The following CIT variants were observed in gnomAD, a reference collection of about 807,000 sequenced individuals.
CIT encodes the protein citron rho-interacting serine/threonine kinase.
CIT carries 79 observed loss-of-function variants against 272.7 expected under a neutral mutation model. The observed-to-expected ratio is 0.29, with a 90% CI of 0.24 to 0.35. The LOEUF (loss-of-function observed/expected upper bound fraction) is 0.35, where lower values mean the gene tolerates loss of function less well. Among genes scored for constraint, CIT ranks in the 10% least tolerant of loss-of-function variants. CIT has a pLI of 1.00. For missense variants in CIT, 1,909 were observed against 2,618.3 expected (o/e 0.73, Z 5.91); for synonymous variants, 948 against 995.6 (o/e 0.95, Z 0.90).
intron 10 of CIT, among the ~76,000 whole-genome samples, chr12:119,788,080 A>G (rs1174616423): frequency 2.0e-5 from 3 of 152,242 alleles, no homozygotes; most frequent in Non-Finnish European, 4.4e-5. Flanking sequence ...GCTGTGTGCT[A>G]TTATTCACAT....
chr12:119,774,795 A>C (rs1963575001), intron 16 of CIT, among the ~76,000 whole-genome samples: 1 of 152,040 alleles, frequency 6.6e-6, no homozygotes, highest in African/African-American at 2.4e-5. Context: ...CAACATGGCA[A>C]AATCCTATCT....
At chr12:119,716,823 G>A (rs563777095) in intron 32 of CIT, among the ~76,000 whole-genome samples, 2 of 152,188 alleles carry the variant, frequency 1.3e-5, no homozygotes, top group Non-Finnish European at 2.9e-5. Context: ...AGTAACAGGG[G>A]ATTGGAAACA....
intron 44 of CIT, among the ~76,000 whole-genome samples, chr12:119,699,118 T>C (rs1956400940): frequency 6.6e-6 from 1 of 151,936 alleles, no homozygotes; most frequent in South Asian, 2.1e-4. Flanking sequence ...TAGCCGGGTA[T>C]GGTGACAGGC....
At chr12:119,729,562 A>G (rs908683412) in intron 27 of CIT, among the ~76,000 whole-genome samples, 1 of 152,216 alleles carries the variant, frequency 6.6e-6, no homozygotes, top group Non-Finnish European at 1.5e-5. Context: ...AAACAGGTAA[A>G]GCTGTATATA....
chr12:119,700,161 C>T (rs1341224641), intron 44 of CIT, among the ~76,000 whole-genome samples: 1 of 152,210 alleles, frequency 6.6e-6, no homozygotes, highest in Non-Finnish European at 1.5e-5. Flanking sequence ...AATAAATCTA[C>T]AGGAATTGGG....
At position 119,784,058 on chromosome 12, in the gene CIT, TA is replaced by T. The variant is rs1420316199; in HGVS notation, c.1402-8del. On this transcript the variant is annotated splice_region_variant and splice_polypyrimidine_tract_variant and intron_variant, in intron 11 of 47. Transcript: ENST00000392521. This position sits in a 1 kb window ranked among gnomAD's most constrained non-coding sequence, Gnocchi z 4.7. The stretch of plus-strand genomic sequence containing the variant: ...GGGTCATTTCCTGCTCCATCTGAAA[TA>T]AACACATCGACAGGTTAAAAAGGCC... The T allele has an allele frequency of 6.2e-7, 1 of 1,612,492 alleles. No individual in the cohort carries two copies. Among genetic ancestry groups the T allele is most frequent in the Non-Finnish European group, 8.5e-7 (1 of 1,179,236 alleles).
At chr12:119,852,368 C>T (rs1005063082) in intron 4 of CIT, among the ~76,000 whole-genome samples, 1 of 152,144 alleles carries the variant, frequency 6.6e-6, no homozygotes, top group Non-Finnish European at 1.5e-5. Context: ...ACTAAAGAGA[C>T]AGGACAATTA....
intron 9 of CIT, among the ~76,000 whole-genome samples, chr12:119,822,225 T>C (rs368383978): frequency 6.6e-6 from 1 of 152,254 alleles, no homozygotes; most frequent in Admixed American, 6.5e-5. Flanking sequence ...ATTGTGTGGT[T>C]TCTGTTGATA....
At chr12:119,853,377 T>C (rs58560119) in intron 4 of CIT, among the ~76,000 whole-genome samples, 1 of 151,900 alleles carries the variant, frequency 6.6e-6, no homozygotes, top group African/African-American at 2.4e-5. Context: ...TAATTTTAAA[T>C]AAAAAATTGT....
chr12:119,711,029 A>C (rs1471070295), intron 37 of CIT: 2 of 1,367,664 alleles, frequency 1.5e-6, no homozygotes, highest in Non-Finnish European at 9.8e-7. Context: ...GCGAGCCAGC[A>C]CGCCTCTGCA....
chr12:119,689,306 C>G (rs951380082), intron 47 of CIT, among the ~76,000 whole-genome samples: 2 of 151,750 alleles, frequency 1.3e-5, no homozygotes, highest in African/African-American at 2.4e-5. Context: ...CACTTGAGCC[C>G]AGGAGTTTGA....
At chr12:119,767,376 G>A (rs970717389) in intron 18 of CIT, among the ~76,000 whole-genome samples, 194 bp from the exon 19 acceptor site, 1 of 152,170 alleles carries the variant, frequency 6.6e-6, no homozygotes, top group Admixed American at 6.5e-5. Context: ...CCAAGTATTC[G>A]CACACACATA....
chr12:119,812,757 T>TTTTTTTTTTTTTTTTTTG (rs1966862469), intron 9 of CIT, among the ~76,000 whole-genome samples: 1 of 151,544 alleles, frequency 6.6e-6, no homozygotes, highest in Non-Finnish European at 1.5e-5. Context: ...TTTTTTTTTT[T>TTTTTTTTTTTTTTTTTTG]TTTTTTGAGA....
At position 119,768,582 on chromosome 12, in the gene CIT, A is replaced by G. The variant is rs907226589; in HGVS notation, c.2209-1400T>C. On this transcript the variant is annotated intron_variant, in intron 18 of 47. Transcript: ENST00000392521. The surrounding 1 kb of genome is among the most constrained non-coding windows in gnomAD (Gnocchi z 4.3). ...AAGCTTTTGATATTCTAAAGTCTCC[A>G]AGCATTGGCTTTGCTCTGAGGGCAA... Among the ~76,000 whole-genome samples, 1 of 152,236 alleles carries G rather than the reference A, an allele frequency of 6.6e-6. No homozygotes were observed. Among genetic ancestry groups the G allele is most frequent in the African/African-American group, 2.4e-5 (1 of 41,464 alleles).
At chr12:119,876,416 C>T (rs1056236108) in intron 1 of CIT, among the ~76,000 whole-genome samples, 1 of 152,156 alleles carries the variant, frequency 6.6e-6, no homozygotes, top group Non-Finnish European at 1.5e-5. Flanking sequence ...TATTATCTCC[C>T]CCCTTAGAAT....
chr12:119,869,895 G>C (rs188441649), intron 2 of CIT, among the ~76,000 whole-genome samples: 1 of 152,322 alleles, frequency 6.6e-6, no homozygotes, highest in Admixed American at 6.5e-5. Flanking sequence ...CGCTGAGCTG[G>C]AGCTGAGTAA....
chr12:119,777,004 C>T (rs1014394274), intron 13 of CIT, among the ~76,000 whole-genome samples, 162 bp from the exon 14 acceptor site: 1 of 152,232 alleles, frequency 6.6e-6, no homozygotes, highest in African/African-American at 2.4e-5. Flanking sequence ...CCTGTAATCC[C>T]AGCACTTTGG....
rs549800216 is a variant in CIT at position 119,784,407 on chromosome 12, C to T, written c.1402-356G>A. The T allele has an allele frequency of 8.2e-7, 1 of 1,225,406 alleles. No individual in the cohort carries two copies. The highest frequency in any genetic ancestry group is 5.4e-5 in the East Asian group (1 of 18,408). 75.9% of individuals were successfully genotyped at this position (1,225,406 alleles called of 1,614,324 possible). On this transcript the variant is annotated intron_variant, in intron 11 of 47. Coordinates refer to ENST00000392521, the MANE Select transcript of CIT (RefSeq NM_001206999.2). This position sits in a 1 kb window ranked among gnomAD's most constrained non-coding sequence, Gnocchi z 4.7. The stretch of plus-strand genomic sequence containing the variant: ...ATCCCAAATCCATCTTGATCCCCCC[C>T]CATCTCCTTGCAAAGATCTAGAGGA...
intron 24 of CIT, among the ~76,000 whole-genome samples, chr12:119,737,212 CAGG>C (rs1243482506): frequency 2.1e-5 from 3 of 143,296 alleles, no homozygotes; most frequent in South Asian, 2.3e-4. Flanking sequence ...GAGGCTGAGG[CAGG>C]AGAATGGCAT....
Sources: allele counts gnomAD v4.1 joint callset (sites outside exome capture counted in the v4.1 genomes callset), GRCh38; gene constraint gnomAD v4.1.1; non-coding constraint Gnocchi (gnomAD v3.1); transcripts MANE v1.5; gene names NCBI Gene and HGNC (gene_info 2026-07-23, HGNC 2026-07-21).